The following RNF169 variants were observed in gnomAD, a reference collection of about 807,000 sequenced individuals.
The protein encoded by RNF169 is ring finger protein 169, also known as E3 ubiquitin-protein ligase RNF169.
A neutral mutation model predicts 53.9 loss-of-function variants in RNF169; 24 were observed. That is an observed-to-expected ratio of 0.45 (90% CI 0.32 to 0.63). The LOEUF (loss-of-function observed/expected upper bound fraction) is 0.63. Ranked by LOEUF, RNF169 falls within the 20% of genes least tolerant of loss-of-function variation. The pLI, the probability that RNF169 is intolerant of heterozygous loss-of-function variation, is 0.04. For missense variants in RNF169, 883 were observed against 906.2 expected, an observed-to-expected ratio of 0.97 and a Z score of 0.33; for synonymous variants, 396 against 363.5, an observed-to-expected ratio of 1.09 and a Z score of -1.02.
intron 4 of RNF169, among the ~76,000 whole-genome samples, chr11:74,817,977 G>A (rs565404276): frequency 4.6e-5 from 7 of 152,096 alleles, no homozygotes; most frequent in African/African-American, 1.7e-4. Flanking sequence ...CTTTTATCTT[G>A]GGAGGAAACA....
intron 1 of RNF169, among the ~76,000 whole-genome samples, chr11:74,769,992 A>G (rs1392936210): frequency 6.6e-6 from 1 of 152,170 alleles, no homozygotes; most frequent in East Asian, 1.9e-4. Context: ...GGGTCTCACC[A>G]TGTTGCCCAG....
In RNF169 at chr11:74,772,480, T is replaced by G. The variant is rs867036786; in HGVS notation, c.503-17146T>G. Among the ~76,000 whole-genome samples, 530 of 151,360 alleles carry G rather than the reference T, an allele frequency of 3.5e-3. 5 individuals carry two copies. Among genetic ancestry groups the G allele is most frequent in the African/African-American group, 0.012 (501 of 41,418 alleles). On this transcript the variant is annotated intron_variant, in intron 1 of 5. Transcript: ENST00000299563. ...TACTACTAGGGATGCTGGTTTTTTTTTTTTTTTTTTTTTACTTTTATGTAT... is the reference window on the plus strand; with the variant it reads ...TACTACTAGGGATGCTGGTTTTTTTGTTTTTTTTTTTTTACTTTTATGTAT...
At chr11:74,829,405 T>C (rs889162830) in intron 4 of RNF169, among the ~76,000 whole-genome samples, 1 of 152,150 alleles carries the variant, frequency 6.6e-6, no homozygotes, top group Non-Finnish European at 1.5e-5. Context: ...GAGTGCAAAT[T>C]AGTTCAACCA....
At chr11:74,767,391 G>A (rs1019175004) in intron 1 of RNF169, among the ~76,000 whole-genome samples, 1 of 151,642 alleles carries the variant, frequency 6.6e-6, no homozygotes, top group African/African-American at 2.4e-5. Context: ...TGTGGAATAG[G>A]AGAAAGTTTC....
chr11:74,750,982 C>T (rs1197645557), intron 1 of RNF169, among the ~76,000 whole-genome samples: 1 of 144,476 alleles, frequency 6.9e-6, no homozygotes, highest in Non-Finnish European at 1.5e-5. Context: ...TCAAGCGATT[C>T]TCCTGCCTCC....
intron 4 of RNF169, among the ~76,000 whole-genome samples, chr11:74,822,472 G>C (rs756762798): frequency 2.0e-5 from 3 of 151,732 alleles, no homozygotes; most frequent in Non-Finnish European, 4.4e-5. Context: ...AGACAGTGCT[G>C]CTTTCTCTTG....
intron 1 of RNF169, among the ~76,000 whole-genome samples, chr11:74,752,881 A>C (rs190447836): frequency 6.6e-6 from 1 of 152,296 alleles, no homozygotes; most frequent in African/African-American, 2.4e-5. Flanking sequence ...TTATAAAATC[A>C]TTATGTAAAT....
intron 1 of RNF169, among the ~76,000 whole-genome samples, chr11:74,757,909 G>C (rs2035012220): frequency 1.4e-5 from 1 of 72,716 alleles, no homozygotes; most frequent in Non-Finnish European, 2.3e-5. Context: ...CCCTTTGTCA[G>C]ATGAGTAGGT....
Position 74,834,752 on chromosome 11 carries a change from G to A in RNF169, c.919G>A (p.Ala307Thr), listed in dbSNP as rs200896746. Residue 307 changes from alanine to threonine, a missense_variant, in exon 5 of 6, where the codon GCA becomes ACA. Ala to Thr is a moderately conservative substitution (Grantham distance 58). Around this residue, in one of 3 missense-constraint regions of RNF169, gnomAD observed 219 missense variants for 289.1 expected, o/e 0.76. Coordinates refer to ENST00000299563, the MANE Select transcript of RNF169 (RefSeq NM_001098638.2). ...AQERAKSRVR[A>T]VPGNKAKVTT... ...GGAAAGAGCGAAGAGCAGAGTCAGA[G>A]CAGTTCCAGGCAACAAAGCCAAGGT... is the stretch of plus-strand genomic sequence containing the variant. 8.7e-6 allele frequency: 14 copies of A among 1,613,860 alleles called. No homozygotes were observed. In the African/African-American group the frequency reaches 1.9e-4, roughly 22 times the overall value.
chr11:74,755,726 G>A (rs1044268861), intron 1 of RNF169, among the ~76,000 whole-genome samples: 1 of 152,192 alleles, frequency 6.6e-6, no homozygotes, highest in Admixed American at 6.5e-5. Context: ...TGAGGAAGGA[G>A]GGGATGTCCA....
chr11:74,755,707 T>C (rs947205880), intron 1 of RNF169, among the ~76,000 whole-genome samples: 2 of 152,202 alleles, frequency 1.3e-5, no homozygotes, highest in African/African-American at 4.8e-5. Context: ...AGAGTAGGAA[T>C]TCACCAGATG....
At chr11:74,762,624 C>G (rs941725576) in intron 1 of RNF169, among the ~76,000 whole-genome samples, 46 of 152,156 alleles carry the variant, frequency 3.0e-4, no homozygotes, top group African/African-American at 1.1e-3. Flanking sequence ...TCCTATTCGG[C>G]CATCCGACAA....
chr11:74,835,259 AGGT>A (rs1847863418), intron 5 of RNF169, among the ~76,000 whole-genome samples: 1 of 152,188 alleles, frequency 6.6e-6, no homozygotes, highest in Non-Finnish European at 1.5e-5. Context: ...GCACTTTGGG[AGGT>A]ATAAGCCACC....
chr11:74,762,733 G>T (rs189883820), intron 1 of RNF169, among the ~76,000 whole-genome samples: 2 of 152,132 alleles, frequency 1.3e-5, no homozygotes, highest in Admixed American at 6.5e-5. Flanking sequence ...AAGCCCAAAA[G>T]CTGCATAATA....
At chr11:74,780,400 T>C (rs1022402767) in intron 1 of RNF169, among the ~76,000 whole-genome samples, 14 of 152,216 alleles carry the variant, frequency 9.2e-5, no homozygotes, top group Admixed American at 1.3e-4. Flanking sequence ...TGACACAACA[T>C]AGTCACTTCT....
chr11:74,837,663 T>G lies in RNF169; in HGVS notation c.*933T>G, dbSNP rs1210159535. 1 of 152,258 alleles carries G rather than the reference T, an allele frequency of 6.6e-6. No homozygotes were observed. The highest frequency in any genetic ancestry group is 2.4e-5 in the African/African-American group (1 of 41,466). 9.4% of individuals were successfully genotyped at this position (152,258 alleles called of 1,614,324 possible). On this transcript the variant is annotated 3_prime_UTR_variant, in exon 6 of 6. Coordinates refer to ENST00000299563, the MANE Select transcript of RNF169 (RefSeq NM_001098638.2). ...CCTATGAGACAAACTATAATCAGGCTTCATTATTACTTTTCAAATGGCCAA... is the reference window on the plus strand; with the variant it reads ...CCTATGAGACAAACTATAATCAGGCGTCATTATTACTTTTCAAATGGCCAA...
intron 4 of RNF169, among the ~76,000 whole-genome samples, chr11:74,822,933 G>T (rs541859677): frequency 6.6e-6 from 1 of 152,074 alleles, no homozygotes; most frequent in African/African-American, 2.4e-5. Flanking sequence ...AAAGGACTCC[G>T]TACAAAAGAG....
intron 1 of RNF169, among the ~76,000 whole-genome samples, chr11:74,786,557 C>T (rs926480249): frequency 3.3e-5 from 5 of 152,138 alleles, no homozygotes; most frequent in Non-Finnish European, 5.9e-5. Flanking sequence ...GCCACCACTC[C>T]TGGAGATTAT....
intron 4 of RNF169, among the ~76,000 whole-genome samples, chr11:74,822,544 A>G (rs562046895): frequency 2.2e-4 from 34 of 152,338 alleles, no homozygotes; most frequent in African/African-American, 7.5e-4. Context: ...AGTCTGTTCT[A>G]TGGCAGAGTA....
Sources: gnomAD v4.1 joint callset for allele counts (sites outside exome capture counted in the v4.1 genomes callset) on GRCh38, gnomAD v4.1.1 for gene constraint, gnomAD v4.1.1 regional missense constraint, MANE v1.5 for transcripts, NCBI Gene and HGNC (gene_info 2026-07-23, HGNC 2026-07-21) for gene names.